ADGRL3: variants seen among roughly 807,000 people sequenced by gnomAD.
ADGRL3 encodes the protein calcium-independent alpha-latrotoxin receptor 3.
Under a neutral mutation model 153.5 loss-of-function variants are expected in ADGRL3, and 62 were observed. The observed-to-expected ratio is 0.40, with a 90% CI of 0.33 to 0.50. ADGRL3 has a LOEUF of 0.50. Ranked by LOEUF, ADGRL3 falls within the 20% of genes least tolerant of loss-of-function variation. The pLI is 0.47. For synonymous variants in ADGRL3, 710 were observed against 672.5 expected (o/e 1.06, Z -0.86); for missense variants, 1,641 against 1,859.4 (o/e 0.88, Z 2.16).
intron 1 of ADGRL3, among the ~76,000 whole-genome samples, chr4:61,364,211 T>C (rs1252097225): frequency 6.6e-6 from 1 of 151,774 alleles, no homozygotes; most frequent in African/African-American, 2.4e-5. Context: ...TGCACACCTG[T>C]AGTCCCAGCT....
At chr4:62,036,521 T>C (rs895022392) in intron 23 of ADGRL3, among the ~76,000 whole-genome samples, 2 of 152,164 alleles carry the variant, frequency 1.3e-5, no homozygotes, top group African/African-American at 2.4e-5. Context: ...TTAATTCTCC[T>C]ATATCTTTGA....
intron 4 of ADGRL3, among the ~76,000 whole-genome samples, chr4:61,542,944 G>C (rs1332403861): frequency 1.3e-5 from 2 of 151,974 alleles, no homozygotes; most frequent in Non-Finnish European, 2.9e-5. Context: ...TCTCAGCATT[G>C]TATGACACCA....
At chr4:61,438,346 T>TTA (rs1560632794) in intron 2 of ADGRL3, among the ~76,000 whole-genome samples, 3 of 151,266 alleles carry the variant, frequency 2.0e-5, no homozygotes, top group African/African-American at 7.3e-5. Context: ...TTATTTTTAT[T>TTA]TTTATTTATT....
rs1275483715 is a variant in ADGRL3 at position 62,073,424 on chromosome 4, C to G, written c.*2516C>G. On this transcript the variant is annotated 3_prime_UTR_variant, in exon 27 of 27. Coordinates refer to ENST00000683033, the MANE Select transcript of ADGRL3 (RefSeq NM_001387552.1). ...GCACGTCCAAGGCTTTTAACCCACC[C>G]GATACATAGAATACATTTGGCAATA... The G allele has an allele frequency of 6.6e-6, 1 of 152,142 alleles. No homozygotes were observed. Among genetic ancestry groups the G allele is most frequent in the Admixed American group, 6.6e-5 (1 of 15,252 alleles). The allele number at this position is 152,142 out of a possible 1,614,324, so 9.4% of individuals were successfully genotyped here. A position where few individuals can be genotyped will look rare whatever the true frequency, so the allele number is the denominator to read the frequency against.
intron 9 of ADGRL3, among the ~76,000 whole-genome samples, chr4:61,835,415 A>G (rs946442973): frequency 5.9e-5 from 9 of 151,764 alleles, no homozygotes; most frequent in African/African-American, 2.2e-4. Context: ...CTTTTTCCAG[A>G]AAAACAAGAT....
chr4:61,432,580 T>TTC (rs1433647775), intron 2 of ADGRL3, among the ~76,000 whole-genome samples: 141 of 2,114 alleles, frequency 0.067, 13 homozygotes, highest in South Asian at 0.28. Context: ...CTTCCTTTCT[T>TTC]TCTTTCTTTC....
At chr4:61,417,341 C>T (rs1055824301) in intron 2 of ADGRL3, among the ~76,000 whole-genome samples, 1 of 151,936 alleles carries the variant, frequency 6.6e-6, no homozygotes. Context: ...AAATAATTAG[C>T]CAGTCATGGT....
chr4:62,072,851 A>G lies in ADGRL3; in HGVS notation c.*1943A>G, dbSNP rs574074203. ...TGTACATTGCATTTTGATGTTAGAA[A>G]TTCAAATTCCCTCAATTTGCTAAAA... is the stretch of plus-strand genomic sequence containing the variant. On this transcript the variant is annotated 3_prime_UTR_variant, in exon 27 of 27. Coordinates refer to ENST00000683033, the MANE Select transcript of ADGRL3 (RefSeq NM_001387552.1). 9.2e-5 allele frequency: 14 copies of G among 152,316 alleles called. No individual in the cohort carries two copies. The highest frequency in any genetic ancestry group is 3.1e-4 in the African/African-American group (13 of 41,582). The allele number at this position is 152,316 out of a possible 1,614,324, so 9.4% of individuals were successfully genotyped here.
intron 1 of ADGRL3, among the ~76,000 whole-genome samples, chr4:61,321,814 C>T (rs1045262098): frequency 6.6e-6 from 1 of 152,060 alleles, no homozygotes; most frequent in Non-Finnish European, 1.5e-5. Context: ...TTATATGGTG[C>T]ATTGACTGTA....
chr4:61,432,912 C>T (rs2097392872), intron 2 of ADGRL3, among the ~76,000 whole-genome samples: 1 of 151,808 alleles, frequency 6.6e-6, no homozygotes, highest in Admixed American at 6.6e-5. Context: ...CTCAACCTCC[C>T]AAAGTGCTGG....
At chr4:61,326,494 T>G (rs1302674671) in intron 1 of ADGRL3, among the ~76,000 whole-genome samples, 1 of 150,176 alleles carries the variant, frequency 6.7e-6, no homozygotes, top group Non-Finnish European at 1.5e-5. Flanking sequence ...TCGTTTAGTG[T>G]GAAAAAATCC....
intron 1 of ADGRL3, among the ~76,000 whole-genome samples, chr4:61,294,653 G>A (rs1174344541): frequency 1.3e-5 from 2 of 152,004 alleles, no homozygotes; most frequent in Non-Finnish European, 2.9e-5. Context: ...ATAATCAGAG[G>A]CATCTTATCA....
chr4:61,804,963 A>ATTTTT (rs370949071), intron 8 of ADGRL3, among the ~76,000 whole-genome samples: 54 of 144,054 alleles, frequency 3.7e-4, no homozygotes, highest in African/African-American at 6.7e-4. Flanking sequence ...TTATTTATTT[A>ATTTTT]TTTTTTTTTT....
chr4:61,723,066 C>G (rs1404490648), intron 6 of ADGRL3, among the ~76,000 whole-genome samples: 2 of 152,126 alleles, frequency 1.3e-5, no homozygotes, highest in Non-Finnish European at 2.9e-5. Flanking sequence ...TAATTTTAGT[C>G]AAACTGTTAT....
chr4:61,457,505 C>T (rs974303098), intron 2 of ADGRL3, among the ~76,000 whole-genome samples: 59 of 151,898 alleles, frequency 3.9e-4, no homozygotes, highest in African/African-American at 1.3e-3. Context: ...TGTTCTGCAG[C>T]AGCTTGGTTT....
chr4:61,355,731 T>C (rs1037048603), intron 1 of ADGRL3, among the ~76,000 whole-genome samples: 12 of 152,096 alleles, frequency 7.9e-5, no homozygotes, highest in African/African-American at 2.9e-4. Context: ...ATTTCACCTC[T>C]TGGTACAGCT....
intron 2 of ADGRL3, among the ~76,000 whole-genome samples, chr4:61,469,803 G>A (rs921522463): frequency 6.6e-6 from 1 of 151,962 alleles, no homozygotes; most frequent in African/African-American, 2.4e-5. Flanking sequence ...GGCATAGGAT[G>A]ATTTACTTGA....
intron 5 of ADGRL3, among the ~76,000 whole-genome samples, chr4:61,662,094 C>G (rs1007182865): frequency 5.9e-5 from 9 of 152,234 alleles, no homozygotes; most frequent in African/African-American, 1.4e-4. Flanking sequence ...GGCTGTGCTC[C>G]ACAGAGCTGG....
At chr4:61,294,899 ACACT>A (rs539339437) in intron 1 of ADGRL3, among the ~76,000 whole-genome samples, 1,555 of 19,638 alleles carry the variant, frequency 0.079, 21 homozygotes, top group East Asian at 0.25. Flanking sequence ...ACACACACAC[ACACT>A]CACACACACA....
Sources: gnomAD v4.1 joint callset for allele counts (sites outside exome capture counted in the v4.1 genomes callset) on GRCh38, gnomAD v4.1.1 for gene constraint, MANE v1.5 for transcripts, NCBI Gene and HGNC (gene_info 2026-07-23, HGNC 2026-07-21) for gene names.